TRPC4: variants seen among roughly 807,000 people sequenced by gnomAD.
The protein encoded by TRPC4 is transient receptor potential cation channel subfamily C member 4.
TRPC4 carries 49 observed loss-of-function variants against 99.4 expected under a neutral mutation model. The observed-to-expected ratio is 0.49, with a 90% CI of 0.39 to 0.63. The LOEUF is 0.63. TRPC4 is among the 20% of genes least tolerant of loss of function. The pLI is 0.00. For missense variants in TRPC4, 898 were observed against 1,152.9 expected (o/e 0.78, Z 3.20); for synonymous variants, 454 against 425.9 (o/e 1.07, Z -0.81).
At chr13:37,793,670 T>C (rs1212185700) in intron 1 of TRPC4, among the ~76,000 whole-genome samples, 2 of 152,070 alleles carry the variant, frequency 1.3e-5, no homozygotes, top group African/African-American at 4.8e-5. Flanking sequence ...AGCTTAGAAA[T>C]CTACCAATAA....
At position 37,637,078 on chromosome 13, in the gene TRPC4, C is replaced by T. The variant is rs1048621556; in HGVS notation, c.2759G>A (p.Gly920Glu). 1.2e-6 allele frequency: 2 copies of T among 1,613,766 alleles called. No individual in the cohort carries two copies. Among genetic ancestry groups the T allele is most frequent in the Non-Finnish European group, 1.7e-6 (2 of 1,179,806 alleles). ...ACACACTCTCTTTCCTACCTGTAAC[C>T]CCAGTGTGTCCGTATTCCTTTCTCT... ...DHRERNTDTLGLQVGKRVCPF... is the reference protein window; with the variant it reads ...DHRERNTDTLELQVGKRVCPF... The change falls in exon 11 of 11, where the codon GGG becomes GAG. Residue 920 changes from glycine (G) to glutamate (E), a missense_variant. Around this residue, in one of 3 missense-constraint regions of TRPC4, gnomAD observed 346 missense variants for 351.4 expected, o/e 0.98. Coordinates refer to ENST00000379705, the MANE Select transcript of TRPC4 (RefSeq NM_016179.4).
rs151044592 is a variant in TRPC4, at chr13:37,736,933, G to T, written c.897+9004C>A. Among the ~76,000 whole-genome samples the T allele has an allele frequency of 4.6e-3, 648 of 139,990 alleles. 8 individuals are homozygous for T. Among genetic ancestry groups the T allele is most frequent in the Non-Finnish European group, 6.1e-3 (401 of 65,330 alleles). The allele number at this position is 139,990 out of a possible 152,430, so 91.8% of individuals were successfully genotyped here. A position where few individuals can be genotyped will look rare whatever the true frequency, so the allele number is the denominator to read the frequency against. Reference sequence around the variant, plus strand: ...TTTTTTGTAGAGACAAGGTTGCACCGTGTTGCCCAGGCTGGTCTCAAACTC... The same window carrying T: ...TTTTTTGTAGAGACAAGGTTGCACCTTGTTGCCCAGGCTGGTCTCAAACTC... On this transcript the variant is annotated intron_variant, in intron 3 of 10. Coordinates refer to ENST00000379705, the MANE Select transcript of TRPC4 (RefSeq NM_016179.4).
intron 3 of TRPC4, among the ~76,000 whole-genome samples, chr13:37,734,696 A>G (rs542013022): frequency 6.6e-6 from 1 of 152,292 alleles, no homozygotes; most frequent in East Asian, 1.9e-4. Context: ...GAGGAGAATC[A>G]AGAAAAGGGT....
chr13:37,839,203 C>T lies in TRPC4; in HGVS notation c.-28+30392G>A, dbSNP rs73462431. Reference sequence around the variant, plus strand: ...GATGCCTTGATACCTTGTAGCTATTCGCATTCCCTCCTAGAGCCATCATGT... The same window carrying T: ...GATGCCTTGATACCTTGTAGCTATTTGCATTCCCTCCTAGAGCCATCATGT... On this transcript the variant is annotated intron_variant, in intron 1 of 10. Transcript: ENST00000379705. Among the ~76,000 whole-genome samples, 1,129 of 152,238 alleles carry T rather than the reference C, an allele frequency of 7.4e-3. 11 individuals are homozygous for T. Among genetic ancestry groups the T allele is most frequent in the African/African-American group, 0.014 (587 of 41,550 alleles).
At chr13:37,839,497 C>T (rs903601373) in intron 1 of TRPC4, among the ~76,000 whole-genome samples, 16 of 152,140 alleles carry the variant, frequency 1.1e-4, no homozygotes, top group African/African-American at 3.9e-4. Flanking sequence ...TGGAAACCAC[C>T]TGAGAGCTTT....
chr13:37,780,081 G>T (rs779490267), intron 2 of TRPC4, among the ~76,000 whole-genome samples: 3 of 152,048 alleles, frequency 2.0e-5, no homozygotes, highest in Non-Finnish European at 2.9e-5. Flanking sequence ...CAGGGCCCAG[G>T]ACGAGGCCTG....
At chr13:37,649,704 C>A (rs1456558627) in intron 8 of TRPC4, among the ~76,000 whole-genome samples, 3 of 119,434 alleles carry the variant, frequency 2.5e-5, no homozygotes, top group Admixed American at 1.2e-4. Context: ...TGCACTTCAG[C>A]CTGGGCAACT....
At chr13:37,812,286 AC>A (rs1957723151) in intron 1 of TRPC4, among the ~76,000 whole-genome samples, 1 of 151,788 alleles carries the variant, frequency 6.6e-6, no homozygotes, top group South Asian at 2.1e-4. Context: ...CTAGCACTCA[AC>A]AAAGTAAAAT....
rs546477979 is a variant in TRPC4, at chr13:37,821,035, C to T, written c.-27-37675G>A. Among the ~76,000 whole-genome samples, 14 of 152,092 alleles carry T rather than the reference C, an allele frequency of 9.2e-5. No individual in the cohort carries two copies. In the South Asian group the frequency reaches 2.9e-3, roughly 32 times the overall value. ...ATTACATGATTCTATATGTAGAAAG[C>T]CCCATAGTCTCTGCACAAAAGCTCC... On this transcript the variant is annotated intron_variant, in intron 1 of 10. Coordinates refer to ENST00000379705, the MANE Select transcript of TRPC4 (RefSeq NM_016179.4).
chr13:37,802,080 G>T (rs1367278238), intron 1 of TRPC4, among the ~76,000 whole-genome samples: 1 of 151,994 alleles, frequency 6.6e-6, no homozygotes, highest in Non-Finnish European at 1.5e-5. Flanking sequence ...ACTAGAAACT[G>T]GGTTTAAAAT....
intron 1 of TRPC4, among the ~76,000 whole-genome samples, chr13:37,820,213 G>A (rs1008905634): frequency 3.3e-5 from 5 of 151,864 alleles, no homozygotes; most frequent in African/African-American, 9.7e-5. Flanking sequence ...ATACATTCCT[G>A]GAAACACGCA....
chr13:37,773,363 A>T (rs1956608671), intron 2 of TRPC4, among the ~76,000 whole-genome samples: 1 of 151,878 alleles, frequency 6.6e-6, no homozygotes, highest in Non-Finnish European at 1.5e-5. Context: ...ACGTGGAAGG[A>T]ATCTACCAAA....
intron 4 of TRPC4, among the ~76,000 whole-genome samples, chr13:37,678,372 A>G (rs939960397): frequency 6.6e-6 from 1 of 152,084 alleles, no homozygotes; most frequent in Non-Finnish European, 1.5e-5. Context: ...CGCTAGCCAG[A>G]ATGATTAACA....
At chr13:37,801,291 T>G (rs779534177) in intron 1 of TRPC4, among the ~76,000 whole-genome samples, 22 of 152,160 alleles carry the variant, frequency 1.4e-4, no homozygotes, top group Non-Finnish European at 2.2e-4. Context: ...TAAGTGATCT[T>G]GAAAGACAGT....
rs761209745 is a variant in TRPC4 at position 37,634,554 on chromosome 13, A to C, written c.*2349T>G. On this transcript the variant is annotated 3_prime_UTR_variant, in exon 11 of 11. Coordinates refer to ENST00000379705, the MANE Select transcript of TRPC4 (RefSeq NM_016179.4). ...ATGTCAGCACCTTAACCCCTGATAT[A>C]AATAAGCTACTGGGGGAAAAAAGGT... Among the ~76,000 whole-genome samples the C allele has an allele frequency of 9.2e-5, 14 of 152,070 alleles. No homozygotes were observed. The highest frequency in any genetic ancestry group is 1.8e-4 in the Non-Finnish European group (12 of 67,984).
rs1296547693 is a variant in TRPC4, at chr13:37,746,325, C to T, written c.509G>A (p.Arg170Gln). 2.5e-6 allele frequency: 4 copies of T among 1,613,644 alleles called. No homozygotes were observed. Among genetic ancestry groups the T allele is most frequent in the Non-Finnish European group, 1.7e-6 (2 of 1,179,852 alleles). The change falls in exon 3 of 11, where the codon CGA becomes CAA. Residue 170 changes from arginine (R) to glutamine (Q), a missense_variant. This residue lies in a region of TRPC4 where 278 missense variants were observed against 346.6 expected (regional missense o/e 0.80). Coordinates refer to ENST00000379705, the MANE Select transcript of TRPC4 (RefSeq NM_016179.4). Reference sequence around the variant, plus strand: ...ACAGTTACAGCGGACCTCGTGGGGTCGAGGCACTGAGACTCCTTTCTGAAC... The same window carrying T: ...ACAGTTACAGCGGACCTCGTGGGGTTGAGGCACTGAGACTCCTTTCTGAAC... ...LLVQKGVSVP[R>Q]PHEVRCNCVE...
chr13:37,731,745 C>T (rs1955245823), intron 3 of TRPC4, among the ~76,000 whole-genome samples: 3 of 152,052 alleles, frequency 2.0e-5, no homozygotes, highest in Admixed American at 2.0e-4. Context: ...ATATTCCTTT[C>T]ATTAAAATAG....
intron 2 of TRPC4, among the ~76,000 whole-genome samples, chr13:37,756,535 C>CT (rs34355727): frequency 0.058 from 7,956 of 137,262 alleles, 373 homozygotes; most frequent in African/African-American, 0.12. Context: ...TTTTTTTTTT[C>CT]TTTTTTTTTT....
At chr13:37,641,517 A>G (rs892412593) in intron 8 of TRPC4, among the ~76,000 whole-genome samples, 1 of 152,230 alleles carries the variant, frequency 6.6e-6, no homozygotes, top group Non-Finnish European at 1.5e-5. Flanking sequence ...TTCTGAACCT[A>G]AAACTCAAAA....
Sources: gnomAD v4.1 joint callset for allele counts (sites outside exome capture counted in the v4.1 genomes callset) on GRCh38, gnomAD v4.1.1 for gene constraint, gnomAD v4.1.1 regional missense constraint, MANE v1.5 for transcripts, NCBI Gene and HGNC (gene_info 2026-07-23, HGNC 2026-07-21) for gene names.